The following CAMSAP2 variants were observed in gnomAD, a reference collection of about 807,000 sequenced individuals.
CAMSAP2 encodes calmodulin-regulated spectrin-associated protein 2.
A neutral mutation model predicts 146.1 loss-of-function variants in CAMSAP2; 26 were observed. The observed-to-expected ratio is 0.18, with a 90% CI of 0.13 to 0.25. CAMSAP2 has a LOEUF of 0.25. Ranked by LOEUF, CAMSAP2 falls within the 10% of genes least tolerant of loss-of-function variation. The probability of loss-of-function intolerance (pLI) is 1.00; values close to 1 mark genes in which losing one functional copy is unlikely to be tolerated. For missense variants in CAMSAP2, 1,381 were observed against 1,759.3 expected, an observed-to-expected ratio of 0.78 and a Z score of 3.85; for synonymous variants, 499 against 596.6, an observed-to-expected ratio of 0.84 and a Z score of 2.38.
At chr1:200,799,262 C>A (rs1306604285) in intron 2 of CAMSAP2, among the ~76,000 whole-genome samples, 3 of 151,836 alleles carry the variant, frequency 2.0e-5, no homozygotes, top group African/African-American at 7.2e-5. Context: ...CCTCTTTGTA[C>A]CCCTGGTAGA....
At chr1:200,777,117 T>TG (rs1451483284) in intron 2 of CAMSAP2, among the ~76,000 whole-genome samples, 1 of 152,182 alleles carries the variant, frequency 6.6e-6, no homozygotes, top group African/African-American at 2.4e-5. Context: ...TCATCAACAC[T>TG]GCAGCCATAT....
intron 2 of CAMSAP2, among the ~76,000 whole-genome samples, chr1:200,766,985 A>T (rs181954872): frequency 6.6e-6 from 1 of 152,326 alleles, no homozygotes; most frequent in East Asian, 1.9e-4. Context: ...ACAGGGGATG[A>T]AGTAGAGTTG....
intron 6 of CAMSAP2, among the ~76,000 whole-genome samples, chr1:200,835,385 G>A (rs1176140352): frequency 6.6e-6 from 1 of 152,144 alleles, no homozygotes; most frequent in Admixed American, 6.5e-5. Context: ...ATATTTTAGC[G>A]AGAGACTATT....
At chr1:200,826,833 G>A (rs367664945) in intron 4 of CAMSAP2, among the ~76,000 whole-genome samples, 3 of 152,012 alleles carry the variant, frequency 2.0e-5, no homozygotes, top group Admixed American at 6.5e-5. Flanking sequence ...TTATCCATGG[G>A]TTTTAAAAAA....
At chr1:200,778,921 G>A (rs577611894) in intron 2 of CAMSAP2, among the ~76,000 whole-genome samples, 1 of 152,232 alleles carries the variant, frequency 6.6e-6, no homozygotes, top group African/African-American at 2.4e-5. Context: ...TACGGCTCTT[G>A]GCGTGGGGCC....
chr1:200,811,711 T>C (rs922048046), intron 3 of CAMSAP2, among the ~76,000 whole-genome samples: 5 of 152,214 alleles, frequency 3.3e-5, no homozygotes, highest in African/African-American at 7.2e-5. Flanking sequence ...AGTATCTTTT[T>C]ATAGTGCAGC....
intron 2 of CAMSAP2, among the ~76,000 whole-genome samples, chr1:200,806,221 A>G (rs1230827991): frequency 1.3e-5 from 2 of 152,236 alleles, no homozygotes; most frequent in Non-Finnish European, 2.9e-5. Context: ...AGTACTTAAT[A>G]TATAATGAGC....
chr1:200,802,776 T>C (rs1449652235), intron 2 of CAMSAP2, among the ~76,000 whole-genome samples: 3 of 152,226 alleles, frequency 2.0e-5, no homozygotes, highest in Non-Finnish European at 2.9e-5. Context: ...AAATTTCTTA[T>C]AACACTGAAA....
At chr1:200,852,098 A>C (rs138316587) in intron 11 of CAMSAP2, among the ~76,000 whole-genome samples, 171 of 152,326 alleles carry the variant, frequency 1.1e-3, no homozygotes, top group African/African-American at 4.0e-3. Context: ...TCATGCAGCA[A>C]TAGTTTCATT....
Position 200,857,176 on chromosome 1 carries a change from C to A in CAMSAP2, c.4013-130C>A, listed in dbSNP as rs1233878983. 1.4e-5 allele frequency: 10 copies of A among 704,306 alleles called. No individual in the cohort carries two copies. Among genetic ancestry groups the A allele is most frequent in the Non-Finnish European group, 2.5e-5 (10 of 404,286 alleles). 43.6% of individuals were successfully genotyped at this position (704,306 alleles called of 1,614,324 possible). A position where few individuals can be genotyped will look rare whatever the true frequency, so the allele number is the denominator to read the frequency against. ...GGTTGGATTGCAGCCAGTAAGAGGC[C>A]TTTAAGCACAGAATTTGGTCTTCTA... On this transcript the variant is annotated intron_variant, in intron 15 of 16. Coordinates refer to ENST00000358823, the MANE Select transcript of CAMSAP2 (RefSeq NM_203459.4). The surrounding 1 kb of genome is among the most constrained non-coding windows in gnomAD (Gnocchi z 4.7).
chr1:200,782,530 C>G (rs1558174932), intron 2 of CAMSAP2, among the ~76,000 whole-genome samples: 1 of 152,054 alleles, frequency 6.6e-6, no homozygotes, highest in African/African-American at 2.4e-5. Flanking sequence ...TTTGCCTGTT[C>G]TAGAATTTCA....
intron 4 of CAMSAP2, among the ~76,000 whole-genome samples, chr1:200,817,937 A>G (rs1433553296): frequency 1.3e-5 from 2 of 152,084 alleles, no homozygotes; most frequent in African/African-American, 4.8e-5. Context: ...CTTCCAGCCA[A>G]TTTCTGTCCT....
chr1:200,806,608 CCAA>C (rs1666176509), intron 2 of CAMSAP2, among the ~76,000 whole-genome samples: 1 of 151,988 alleles, frequency 6.6e-6, no homozygotes, highest in African/African-American at 2.4e-5. Context: ...GTTGGTAATG[CCAA>C]GCAGTGTAAA....
At chr1:200,783,029 G>C (rs564244994) in intron 2 of CAMSAP2, among the ~76,000 whole-genome samples, 1 of 151,498 alleles carries the variant, frequency 6.6e-6, no homozygotes, top group Admixed American at 6.6e-5. Flanking sequence ...GCCTCCCAAA[G>C]TACTGGATTA....
chr1:200,851,454 C>A (rs1321034247), intron 11 of CAMSAP2, among the ~76,000 whole-genome samples: 3 of 152,218 alleles, frequency 2.0e-5, no homozygotes, highest in Admixed American at 6.5e-5. Flanking sequence ...CTCAGCCTCC[C>A]AAAGTGCTGG....
intron 2 of CAMSAP2, among the ~76,000 whole-genome samples, chr1:200,775,303 G>A (rs1402760251): frequency 6.6e-6 from 1 of 152,216 alleles, no homozygotes; most frequent in East Asian, 1.9e-4. Context: ...TAGTGAGCAA[G>A]ATTGATATGG....
At chr1:200,779,174 T>C (rs564923649) in intron 2 of CAMSAP2, among the ~76,000 whole-genome samples, 5 of 152,266 alleles carry the variant, frequency 3.3e-5, no homozygotes, top group African/African-American at 1.2e-4. Flanking sequence ...GGCTGCACAA[T>C]ATTCTGTGGT....
chr1:200,848,750 T>G lies in CAMSAP2; in HGVS notation c.1981T>G (p.Leu661Val). Residue 661 changes from leucine (L) to valine (V), a missense_variant, in exon 11 of 17, where the codon TTG becomes GTG. Transcript: ENST00000358823. ...TCGAACTGGCAACACCAGGGAAGCT[T>G]TGAGTCCTTGTCCAAGTACTGTAAG... ...DIRTGNTREALSPCPSTVSTK... is the reference protein window; with the variant it reads ...DIRTGNTREAVSPCPSTVSTK... 6.2e-7 allele frequency: 1 copy of G among 1,614,152 alleles called. No homozygotes were observed. Among genetic ancestry groups the G allele is most frequent in the South Asian group, 1.1e-5 (1 of 91,080 alleles).
Position 200,835,776 on chromosome 1 carries a change from G to A in CAMSAP2, c.927+2931G>A, listed in dbSNP as rs75453170. Reference sequence around the variant, plus strand: ...TTAATTTCTGTTAGTACCAGAAAAGGCATCAACATGATATCTACATTGTCA... The same window carrying A: ...TTAATTTCTGTTAGTACCAGAAAAGACATCAACATGATATCTACATTGTCA... On this transcript the variant is annotated intron_variant, in intron 6 of 16. Coordinates refer to ENST00000358823, the MANE Select transcript of CAMSAP2 (RefSeq NM_203459.4). Among the ~76,000 whole-genome samples the A allele has an allele frequency of 6.3e-3, 959 of 152,150 alleles. 16 individuals carry two copies. Among genetic ancestry groups the A allele is most frequent in the African/African-American group, 0.022 (923 of 41,524 alleles).
Sources: gnomAD v4.1 joint callset for allele counts (sites outside exome capture counted in the v4.1 genomes callset) on GRCh38, gnomAD v4.1.1 for gene constraint, Gnocchi (gnomAD v3.1) non-coding constraint, MANE v1.5 for transcripts, NCBI Gene and HGNC (gene_info 2026-07-23, HGNC 2026-07-21) for gene names.